The following SUPT3H variants were observed in gnomAD, a reference collection of about 807,000 sequenced individuals.
The protein encoded by SUPT3H is transcription initiation protein SPT3 homolog.
SUPT3H carries 44 observed loss-of-function variants against 44.3 expected under a neutral mutation model. That is an observed-to-expected ratio of 0.99 (90% CI 0.78 to 1.28). The LOEUF (loss-of-function observed/expected upper bound fraction) is 1.28. SUPT3H is among the 50% of genes most tolerant of loss of function. The pLI is 0.00. For synonymous variants in SUPT3H, 124 were observed against 125.6 expected (o/e 0.99, Z 0.09); for missense variants, 380 against 387.1 (o/e 0.98, Z 0.15).
chr6:45,266,373 C>T (rs1584576689), intron 2 of SUPT3H, among the ~76,000 whole-genome samples: 4 of 151,508 alleles, frequency 2.6e-5, no homozygotes, highest in South Asian at 2.1e-4. Context: ...CTAATGATTT[C>T]GTCAAAGTGA....
At chr6:44,916,489 C>A (rs1461714649) in intron 10 of SUPT3H, among the ~76,000 whole-genome samples, 1 of 152,108 alleles carries the variant, frequency 6.6e-6, no homozygotes, top group African/African-American at 2.4e-5. Flanking sequence ...GGCAAACATG[C>A]AGGGCAGGAA....
chr6:45,242,879 T>C (rs533198079), intron 2 of SUPT3H, among the ~76,000 whole-genome samples: 1 of 151,952 alleles, frequency 6.6e-6, no homozygotes, highest in African/African-American at 2.4e-5. Context: ...ATAACAAAAC[T>C]TGGCAGGAAA....
intron 3 of SUPT3H, among the ~76,000 whole-genome samples, chr6:45,078,790 A>G (rs1030822806): frequency 2.0e-5 from 3 of 152,082 alleles, no homozygotes; most frequent in Non-Finnish European, 1.5e-5. Flanking sequence ...TGGCCTACAA[A>G]GTTTATGTTG....
intron 10 of SUPT3H, among the ~76,000 whole-genome samples, chr6:44,854,669 C>G (rs1251806169): frequency 1.3e-5 from 2 of 152,116 alleles, no homozygotes; most frequent in African/African-American, 4.8e-5. Context: ...TGAGTACGCC[C>G]TTATGAACCA....
intron 2 of SUPT3H, among the ~76,000 whole-genome samples, chr6:45,191,412 GGAA>G (rs1359806551): frequency 6.6e-6 from 1 of 152,064 alleles, no homozygotes; most frequent in Non-Finnish European, 1.5e-5. Context: ...AAATTCAGAG[GGAA>G]GGAGGGAGGA....
At chr6:45,227,010 A>T in intron 2 of SUPT3H, among the ~76,000 whole-genome samples, 1 of 149,250 alleles carries the variant, frequency 6.7e-6, no homozygotes, top group East Asian at 2.0e-4. Flanking sequence ...ATATATATAT[A>T]TTTAAATATA....
intron 2 of SUPT3H, among the ~76,000 whole-genome samples, chr6:45,162,795 T>G (rs1809234583): frequency 6.6e-6 from 1 of 152,134 alleles, no homozygotes; most frequent in South Asian, 2.1e-4. Flanking sequence ...TATAAATTAT[T>G]TTCATGATAA....
intron 2 of SUPT3H, among the ~76,000 whole-genome samples, chr6:45,252,794 T>C (rs955494301): frequency 2.6e-5 from 4 of 152,128 alleles, no homozygotes; most frequent in African/African-American, 9.7e-5. Flanking sequence ...CAAATGTTAG[T>C]GAGTAGGGTC....
intron 2 of SUPT3H, among the ~76,000 whole-genome samples, chr6:45,307,309 C>G (rs933967415): frequency 1.3e-5 from 2 of 152,198 alleles, no homozygotes; most frequent in Non-Finnish European, 1.5e-5. Context: ...TGAGAACAGA[C>G]AGACTGCCTC....
intron 2 of SUPT3H, among the ~76,000 whole-genome samples, chr6:45,139,940 G>A (rs966654537): frequency 6.6e-6 from 1 of 152,150 alleles, no homozygotes; most frequent in African/African-American, 2.4e-5. Flanking sequence ...CACAAGCACA[G>A]GAGCTGCTGC....
intron 2 of SUPT3H, among the ~76,000 whole-genome samples, chr6:45,176,565 A>T (rs1335384999): frequency 6.6e-6 from 1 of 152,126 alleles, no homozygotes; most frequent in Non-Finnish European, 1.5e-5. Flanking sequence ...AACTGGGTGG[A>T]GCCCACCACA....
At chr6:44,925,064 A>G (rs1769315678) in intron 10 of SUPT3H, among the ~76,000 whole-genome samples, 3 of 152,182 alleles carry the variant, frequency 2.0e-5, no homozygotes, top group African/African-American at 7.2e-5. Flanking sequence ...TAAAAGTTCA[A>G]TGTGAAGAAT....
chr6:45,343,886 AGC>A (rs1790323259), intron 2 of SUPT3H, among the ~76,000 whole-genome samples: 1 of 152,170 alleles, frequency 6.6e-6, no homozygotes, highest in Non-Finnish European at 1.5e-5. Context: ...TTAGAATCTT[AGC>A]CATCAAAGAC....
rs60877216 is a variant in SUPT3H, at chr6:45,114,679, T to G, written c.102-8673A>C. 6.0e-3 allele frequency among the ~76,000 whole-genome samples: 918 copies of G among 152,274 alleles called. 14 individuals carry two copies. The highest frequency in any genetic ancestry group is 0.021 in the African/African-American group (876 of 41,564). On this transcript the variant is annotated intron_variant, in intron 2 of 10. Transcript: ENST00000371459. The stretch of plus-strand genomic sequence containing the variant: ...TTTACAGGGCATTTTTCCTCATATA[T>G]CCTACATTTCTAAGAAGCAAATATT...
At chr6:45,273,565 A>C (rs4267941) in intron 2 of SUPT3H, among the ~76,000 whole-genome samples, 34,570 of 152,132 alleles carry the variant, frequency 0.23, 4,617 homozygotes, top group Non-Finnish European at 0.31. Context: ...TGTTTAAAAA[A>C]AATGTGAAAC....
intron 10 of SUPT3H, among the ~76,000 whole-genome samples, chr6:44,876,901 GA>G (rs1405543423): frequency 2.1e-5 from 3 of 142,674 alleles, no homozygotes; most frequent in Non-Finnish European, 3.1e-5. Flanking sequence ...TATCTTAAAA[GA>G]AAAAAACTGA....
At chr6:45,177,282 C>A (rs1279667670) in intron 2 of SUPT3H, among the ~76,000 whole-genome samples, 1 of 152,130 alleles carries the variant, frequency 6.6e-6, no homozygotes, top group African/African-American at 2.4e-5. Context: ...GCAGAAGCCT[C>A]AGGAGCCAAT....
chr6:45,074,578 C>T (rs192610824), intron 3 of SUPT3H, among the ~76,000 whole-genome samples: 6 of 152,112 alleles, frequency 3.9e-5, no homozygotes, highest in Admixed American at 3.3e-4. Context: ...GAAAGCTAGA[C>T]ACAAAAGGGC....
chr6:45,312,063 A>T (rs1050640959), intron 2 of SUPT3H, among the ~76,000 whole-genome samples: 1 of 152,218 alleles, frequency 6.6e-6, no homozygotes, highest in Admixed American at 6.5e-5. Context: ...CCAACCAATT[A>T]TCTGCTGCCT....
Sources: gnomAD v4.1 joint callset for allele counts (sites outside exome capture counted in the v4.1 genomes callset) on GRCh38, gnomAD v4.1.1 for gene constraint, MANE v1.5 for transcripts, NCBI Gene and HGNC (gene_info 2026-07-23, HGNC 2026-07-21) for gene names.